Variants in WDR25 observed in about 807,000 individuals in gnomAD.
WDR25 encodes WD repeat-containing protein 25.
A neutral mutation model predicts 47.7 loss-of-function variants in WDR25; 35 were observed. The ratio of observed to expected loss-of-function variants is 0.73; its 90% confidence interval spans 0.56 to 0.97. WDR25 has a LOEUF of 0.97. Ranked by LOEUF, WDR25 falls within the 50% of genes least tolerant of loss-of-function variation. WDR25 has a pLI of 0.00. For missense variants in WDR25, 634 were observed against 704.7 expected (o/e 0.90, Z 1.14); for synonymous variants, 248 against 278.9 (o/e 0.89, Z 1.10).
chr14:100,471,350 C>T (rs1899825718), intron 3 of WDR25, among the ~76,000 whole-genome samples: 1 of 152,202 alleles, frequency 6.6e-6, no homozygotes, highest in African/African-American at 2.4e-5. Flanking sequence ...CAGGGACTGC[C>T]AGGGCTGGTC....
rs73349441 is a variant in WDR25 at position 100,457,399 on chromosome 14, G to A, written c.823-10622G>A. Among the ~76,000 whole-genome samples, 529 of 152,304 alleles carry A rather than the reference G, an allele frequency of 3.5e-3. 5 individuals are homozygous for A. Among genetic ancestry groups the A allele is most frequent in the African/African-American group, 0.012 (487 of 41,570 alleles). ...TACTGCCAGAAGACAGTGGAACACC[G>A]TTTGAAAGCACTGAAAGGAAAAGCC... is the stretch of plus-strand genomic sequence containing the variant. On this transcript the variant is annotated intron_variant, in intron 2 of 6. Transcript: ENST00000402312.
chr14:100,481,255 GA>G, intron 3 of WDR25: 1 of 661,372 alleles, frequency 1.5e-6, no homozygotes, highest in Non-Finnish European at 2.6e-6. Context: ...AAGCAGGAGA[GA>G]AAGAAACCAA....
At chr14:100,427,782 C>T (rs1898212145) in intron 2 of WDR25, among the ~76,000 whole-genome samples, 1 of 152,206 alleles carries the variant, frequency 6.6e-6, no homozygotes, top group South Asian at 2.1e-4. Context: ...GGCACCTTTG[C>T]CACCACCCCA....
intron 5 of WDR25, among the ~76,000 whole-genome samples, chr14:100,527,579 C>A (rs1234490354): frequency 1.3e-5 from 2 of 152,232 alleles, no homozygotes; most frequent in African/African-American, 4.8e-5. Flanking sequence ...TGTCCCAGGG[C>A]AACCCATTGG....
chr14:100,492,993 G>A (rs1900614074), intron 4 of WDR25, among the ~76,000 whole-genome samples: 1 of 152,128 alleles, frequency 6.6e-6, no homozygotes. Context: ...TAAATTTTCT[G>A]TAGAGAAGGG....
At chr14:100,432,221 A>G (rs950907519) in intron 2 of WDR25, among the ~76,000 whole-genome samples, 1 of 152,228 alleles carries the variant, frequency 6.6e-6, no homozygotes, top group Non-Finnish European at 1.5e-5. Flanking sequence ...AAAGCTAGCA[A>G]TTTGAAAAGA....
intron 2 of WDR25, 139 bp from the exon 3 acceptor site, chr14:100,467,882 C>T: frequency 8.6e-7 from 1 of 1,162,506 alleles, no homozygotes; most frequent in East Asian, 2.5e-5. Context: ...AAAAGTTTAA[C>T]ATCTAGATAT....
chr14:100,376,560 C>G, intron 1 of WDR25, 65 bp downstream of exon 1: 4 of 1,231,896 alleles, frequency 3.2e-6, no homozygotes, highest in Non-Finnish European at 4.0e-6. Context: ...CTAAAGCGCC[C>G]CGTGCCGCTT....
chr14:100,421,568 G>A (rs1285682055), intron 2 of WDR25, among the ~76,000 whole-genome samples: 1 of 152,164 alleles, frequency 6.6e-6, no homozygotes, highest in Non-Finnish European at 1.5e-5. Flanking sequence ...TTCCATAGAT[G>A]CACCACCAGG....
intron 2 of WDR25, among the ~76,000 whole-genome samples, chr14:100,435,148 C>T (rs922421212): frequency 6.6e-6 from 1 of 152,202 alleles, no homozygotes; most frequent in African/African-American, 2.4e-5. Flanking sequence ...AAAGTAGTCC[C>T]ATGACCACAC....
rs1248115313 is a variant in WDR25 at position 100,525,543 on chromosome 14, GC to G, written c.1102-326del. Among the ~76,000 whole-genome samples, 1 of 152,164 alleles carries G rather than the reference GC, an allele frequency of 6.6e-6. No individual in the cohort carries two copies. Among genetic ancestry groups the G allele is most frequent in the Admixed American group, 6.6e-5 (1 of 15,266 alleles). On this transcript the variant is annotated intron_variant, in intron 4 of 6. Transcript: ENST00000402312. This position sits in a 1 kb window ranked among gnomAD's most constrained non-coding sequence, Gnocchi z 4.6. ...CCCCAGTGTTGATGGATGTCAATAT[GC>G]TCTCGAGGTGCCCTTGGCGAGTCAA... is the stretch of plus-strand genomic sequence containing the variant.
At chr14:100,396,117 C>T (rs1897254174) in intron 2 of WDR25, among the ~76,000 whole-genome samples, 1 of 151,886 alleles carries the variant, frequency 6.6e-6, no homozygotes, top group Admixed American at 6.6e-5. Context: ...GCTGGGACTA[C>T]AGGCGCCCAC....
chr14:100,490,821 T>C (rs1214715582), intron 4 of WDR25, among the ~76,000 whole-genome samples: 1 of 152,258 alleles, frequency 6.6e-6, no homozygotes, highest in Non-Finnish European at 1.5e-5. Context: ...TGTAGGCAAG[T>C]TGCTTATTTG....
chr14:100,518,460 T>C (rs1366294714), intron 4 of WDR25, among the ~76,000 whole-genome samples: 1 of 152,170 alleles, frequency 6.6e-6, no homozygotes, highest in Non-Finnish European at 1.5e-5. Context: ...GTTTGTATTG[T>C]GTTTTTTCTT....
intron 2 of WDR25, among the ~76,000 whole-genome samples, chr14:100,438,005 A>G (rs1280538700): frequency 6.6e-6 from 1 of 152,230 alleles, no homozygotes. Context: ...GCCCTGTTTC[A>G]GATGATTGTC....
At chr14:100,471,880 G>T (rs1899849146) in intron 3 of WDR25, among the ~76,000 whole-genome samples, 1 of 152,176 alleles carries the variant, frequency 6.6e-6, no homozygotes, top group Non-Finnish European at 1.5e-5. Context: ...TATTTTTGGT[G>T]CTCTTGTTTC....
intron 2 of WDR25, among the ~76,000 whole-genome samples, chr14:100,427,090 C>T (rs1026512668): frequency 6.6e-6 from 1 of 152,176 alleles, no homozygotes; most frequent in African/African-American, 2.4e-5. Context: ...TCCCTGCCAC[C>T]TTGGGGCCCT....
intron 4 of WDR25, among the ~76,000 whole-genome samples, chr14:100,518,450 G>A (rs1566946008): frequency 6.6e-6 from 1 of 151,962 alleles, no homozygotes; most frequent in Non-Finnish European, 1.5e-5. Context: ...GCAGAACATG[G>A]TTTGTATTGT....
Position 100,424,355 on chromosome 14 carries a change from C to T in WDR25, c.822+42609C>T, listed in dbSNP as rs1254794942. Among the ~76,000 whole-genome samples, 1 of 152,244 alleles carries T rather than the reference C, an allele frequency of 6.6e-6. No homozygotes were observed. The highest frequency in any genetic ancestry group is 1.5e-5 in the Non-Finnish European group (1 of 68,050). ...CTGTTCACAGCCTCACAGTTTGCAT[C>T]CCGTGTAAACAAACATCAGCACCTG... On this transcript the variant is annotated intron_variant, in intron 2 of 6. Coordinates refer to ENST00000402312, the MANE Select transcript of WDR25 (RefSeq NM_001161476.3). This position sits in a 1 kb window ranked among gnomAD's most constrained non-coding sequence, Gnocchi z 4.2.
Sources: allele counts gnomAD v4.1 joint callset (sites outside exome capture counted in the v4.1 genomes callset), GRCh38; gene constraint gnomAD v4.1.1; non-coding constraint Gnocchi (gnomAD v3.1); transcripts MANE v1.5; gene names NCBI Gene and HGNC (gene_info 2026-07-23, HGNC 2026-07-21).